Variants in KIAA0586 observed in about 807,000 individuals in gnomAD.
The protein encoded by KIAA0586 is protein TALPID3.
In KIAA0586, 144 loss-of-function variants were observed where a neutral mutation model predicts 169.8. The observed-to-expected ratio is 0.85, with a 90% CI of 0.74 to 0.97. The LOEUF is 0.97. Among genes scored for constraint, KIAA0586 ranks in the 50% least tolerant of loss-of-function variants. The probability of loss-of-function intolerance (pLI) is 0.00; values close to 1 mark genes in which losing one functional copy is unlikely to be tolerated. For synonymous variants in KIAA0586, 625 were observed against 612.4 expected (o/e 1.02, Z -0.30); for missense variants, 1,854 against 1,823.0 (o/e 1.02, Z -0.31).
chr14:58,498,602 G>A (rs961331934), intron 26 of KIAA0586, among the ~76,000 whole-genome samples, 181 bp from the exon 27 acceptor site: 3 of 152,060 alleles, frequency 2.0e-5, no homozygotes, highest in Admixed American at 6.5e-5. Context: ...AGCCTATCAC[G>A]AGGCTTATTA....
At chr14:58,501,898 T>C (rs964021790) in intron 27 of KIAA0586, among the ~76,000 whole-genome samples, 1 of 152,206 alleles carries the variant, frequency 6.6e-6, no homozygotes. Flanking sequence ...CGGTAGTGGC[T>C]TACCTGGGTG....
intron 26 of KIAA0586, among the ~76,000 whole-genome samples, chr14:58,493,731 T>C (rs1442375822): frequency 6.6e-6 from 1 of 152,172 alleles, no homozygotes; most frequent in Non-Finnish European, 1.5e-5. Flanking sequence ...ACTGGAAAAA[T>C]CTTAGTTGTG....
intron 29 of KIAA0586, among the ~76,000 whole-genome samples, chr14:58,534,034 G>C (rs1387254898): frequency 1.3e-5 from 2 of 152,098 alleles, no homozygotes; most frequent in Non-Finnish European, 2.9e-5. Context: ...TATTTAGTTA[G>C]GAATGGCTAG....
chr14:58,538,626 T>C (rs1010075495), intron 29 of KIAA0586, among the ~76,000 whole-genome samples: 1 of 152,102 alleles, frequency 6.6e-6, no homozygotes, highest in African/African-American at 2.4e-5. Flanking sequence ...TTTTTTACTA[T>C]AGTCACCCTG....
Position 58,428,209 on chromosome 14 carries a change from G to A in KIAA0586, c.-56G>A. On this transcript the variant is annotated 5_prime_UTR_variant, in exon 1 of 31. Coordinates refer to ENST00000652326, the MANE Select transcript of KIAA0586 (RefSeq NM_001329943.3). Reference sequence around the variant, plus strand: ...GAAAATTTTGTTCTGAAGTCTTAAGGAAACAGAGAAAGTTTTTCCGTCCTT... The same window carrying A: ...GAAAATTTTGTTCTGAAGTCTTAAGAAAACAGAGAAAGTTTTTCCGTCCTT... 1 of 1,566,522 alleles carries A rather than the reference G, an allele frequency of 6.4e-7. No homozygotes were observed. Among genetic ancestry groups the A allele is most frequent in the South Asian group, 1.2e-5 (1 of 84,200 alleles).
intron 4 of KIAA0586, among the ~76,000 whole-genome samples, chr14:58,437,963 T>A (rs931826688): frequency 1.3e-5 from 2 of 152,068 alleles, no homozygotes; most frequent in African/African-American, 4.8e-5. Context: ...GCCAGAGATG[T>A]AGGGGGTATG....
At position 58,549,970 on chromosome 14, in the gene KIAA0586, T is replaced by C. The variant is rs1043349793; in HGVS notation, c.*2038T>C. 1.3e-5 allele frequency: 2 copies of C among 152,080 alleles called. No individual in the cohort carries two copies. Among genetic ancestry groups the C allele is most frequent in the Non-Finnish European group, 2.9e-5 (2 of 67,988 alleles). 9.4% of individuals were successfully genotyped at this position (152,080 alleles called of 1,614,324 possible). ...TACTCCCTGTGCACGTGAGCTTTTC[T>C]TTTAAAAAAAATTAGTGTCCATTCG... On this transcript the variant is annotated 3_prime_UTR_variant, in exon 31 of 31. Coordinates refer to ENST00000652326, the MANE Select transcript of KIAA0586 (RefSeq NM_001329943.3).
intron 30 of KIAA0586, chr14:58,543,893 A>G (rs2046820321): frequency 2.2e-6 from 1 of 455,522 alleles, no homozygotes; most frequent in African/African-American, 2.0e-5. Flanking sequence ...GTTTGGGGGT[A>G]CATGTGAAGA....
chr14:58,517,533 A>C (rs1226346478), intron 29 of KIAA0586, among the ~76,000 whole-genome samples: 1 of 152,218 alleles, frequency 6.6e-6, no homozygotes, highest in Non-Finnish European at 1.5e-5. Context: ...GGAATGCAGA[A>C]TGCAACATGC....
At position 58,547,827 on chromosome 14, in the gene KIAA0586, G is replaced by A; in HGVS notation, c.4542G>A (p.Lys1514=). Residue 1514 remains lysine (K), a synonymous_variant, in exon 31 of 31, where the codon AAG becomes AAA. Coordinates refer to ENST00000652326, the MANE Select transcript of KIAA0586 (RefSeq NM_001329943.3). ...PLSASQMPPA[K]MSVMLPSVNL... is the part of the protein sequence containing the mutation. ...CCGCTTCACAGATGCCCCCTGCCAA[G>A]ATGTCAGTGATGCTGCCGTCAGTGA... 6.2e-7 allele frequency: 1 copy of A among 1,613,786 alleles called. No individual in the cohort carries two copies. Among genetic ancestry groups the A allele is most frequent in the South Asian group, 1.1e-5 (1 of 91,076 alleles).
At chr14:58,539,608 C>A (rs540400621) in intron 29 of KIAA0586, among the ~76,000 whole-genome samples, 1 of 152,226 alleles carries the variant, frequency 6.6e-6, no homozygotes, top group East Asian at 1.9e-4. Flanking sequence ...TATTGCTCTT[C>A]TGTGCTCCCT....
chr14:58,476,638 G>A (rs2041646692), intron 19 of KIAA0586, among the ~76,000 whole-genome samples: 1 of 140,898 alleles, frequency 7.1e-6, no homozygotes. Flanking sequence ...AGGAGATTCT[G>A]TTTAGTGTGT....
At chr14:58,512,763 C>T in intron 29 of KIAA0586, 136 bp downstream of exon 29, 1 of 546,760 alleles carries the variant, frequency 1.8e-6, no homozygotes. Flanking sequence ...CTCATTTAGT[C>T]CATTTACATG....
At chr14:58,557,901 C>CTTTTTTTTTTTTTTTTTT in the KIAA0586 span, among the ~76,000 whole-genome samples, 207 of 42,508 alleles carry the variant, frequency 4.9e-3, 49 homozygotes, top group Non-Finnish European at 5.6e-3. Flanking sequence ...CCTGAGAAAT[C>CTTTTTTTTTTTTTTTTTT]TTTTTTTTTT....
intron 27 of KIAA0586, 63 bp from the exon 28 acceptor site, chr14:58,508,492 G>A: frequency 1.5e-6 from 2 of 1,310,418 alleles, no homozygotes; most frequent in Admixed American, 2.2e-5. Context: ...TCAACTACTT[G>A]TTCATTTTTG....
intron 23 of KIAA0586, 107 bp from the exon 24 acceptor site, chr14:58,488,514 A>G: frequency 2.3e-6 from 3 of 1,323,320 alleles, no homozygotes; most frequent in Non-Finnish European, 2.1e-6. Flanking sequence ...AGATTTAAAA[A>G]AATATTTTGC....
intron 4 of KIAA0586, among the ~76,000 whole-genome samples, chr14:58,435,123 C>G (rs1038967879): frequency 1.3e-3 from 203 of 152,202 alleles, no homozygotes; most frequent in African/African-American, 4.4e-3. Flanking sequence ...TTTACAAAAG[C>G]CTAGCACGTC....
rs375472516 is a variant in KIAA0586 at position 58,457,840 on chromosome 14, T to C, written c.1444T>C (p.Ser482Pro). Residue 482 changes from serine (S) to proline (P), a missense_variant, in exon 11 of 31, where the codon TCT (serine) becomes CCT (proline). Transcript: ENST00000652326. ...GCTTCAAACAACCAATACAACAAGA[T>C]CTGTATTGAAAGATGCTGAGAAGAT... ...VKLQTTNTTR[S>P]VLKDAEKILR... 1.6e-5 allele frequency: 26 copies of C among 1,607,986 alleles called. 1 individual carries two copies. In the Middle Eastern group the frequency reaches 4.9e-4, roughly 31 times the overall value.
At chr14:58,444,515 C>T (rs1482463198) in intron 6 of KIAA0586, among the ~76,000 whole-genome samples, 2 of 152,096 alleles carry the variant, frequency 1.3e-5, no homozygotes, top group Non-Finnish European at 2.9e-5. Context: ...CCTCCACCTC[C>T]TGGGTTCAGG....
Sources: gnomAD v4.1 joint callset for allele counts (sites outside exome capture counted in the v4.1 genomes callset) on GRCh38, gnomAD v4.1.1 for gene constraint, MANE v1.5 for transcripts, NCBI Gene and HGNC (gene_info 2026-07-23, HGNC 2026-07-21) for gene names.